SCARA5: variants seen among roughly 807,000 people sequenced by gnomAD.
SCARA5 encodes scavenger receptor class A, member 5 (putative).
A neutral mutation model predicts 46.3 loss-of-function variants in SCARA5; 45 were observed. The observed-to-expected ratio is 0.97, with a 90% CI of 0.76 to 1.24. SCARA5 has a LOEUF of 1.24. SCARA5 is among the 50% of genes most tolerant of loss of function. The pLI is 0.00. For synonymous variants in SCARA5, 333 were observed against 306.5 expected (o/e 1.09, Z -0.90); for missense variants, 680 against 689.0 (o/e 0.99, Z 0.15).
At chr8:27,925,550 C>T (rs959227113) in intron 3 of SCARA5, among the ~76,000 whole-genome samples, 1 of 152,130 alleles carries the variant, frequency 6.6e-6, no homozygotes, top group Non-Finnish European at 1.5e-5. Context: ...AAAACCTAGG[C>T]AATACCATTC....
intron 3 of SCARA5, among the ~76,000 whole-genome samples, chr8:27,956,914 A>G (rs1808215941): frequency 6.6e-6 from 1 of 152,150 alleles, no homozygotes; most frequent in African/African-American, 2.4e-5. Flanking sequence ...AGAACTTATA[A>G]CTTCTCTCCA....
At chr8:27,930,439 G>C (rs556164994) in intron 3 of SCARA5, among the ~76,000 whole-genome samples, 3 of 149,796 alleles carry the variant, frequency 2.0e-5, no homozygotes, top group South Asian at 2.1e-4. Flanking sequence ...TTTCATTCTT[G>C]TTGCCCAGGC....
chr8:27,979,758 AC>A (rs1233300655), intron 2 of SCARA5, among the ~76,000 whole-genome samples: 1 of 151,988 alleles, frequency 6.6e-6, no homozygotes, highest in African/African-American at 2.4e-5. Context: ...ACAGGGTTCC[AC>A]CATGTTGCCC....
chr8:27,936,060 G>A lies in SCARA5; in HGVS notation c.242-13815C>T, dbSNP rs934162321. Among the ~76,000 whole-genome samples, 7 of 152,104 alleles carry A rather than the reference G, an allele frequency of 4.6e-5. 1 individual carries two copies. In the South Asian group the frequency reaches 1.2e-3, roughly 27 times the overall value. The stretch of plus-strand genomic sequence containing the variant: ...AGATGCCTATGCCCCGCCAGCCCCT[G>A]CCCAGAATTAGGAGGAGCCCAGAGC... On this transcript the variant is annotated intron_variant, in intron 3 of 8. Coordinates refer to ENST00000354914, the MANE Select transcript of SCARA5 (RefSeq NM_173833.6).
chr8:27,876,984 G>T (rs2129662418), intron 8 of SCARA5, among the ~76,000 whole-genome samples: 1 of 152,210 alleles, frequency 6.6e-6, no homozygotes, highest in Non-Finnish European at 1.5e-5. Context: ...TCGGCCCCAT[G>T]ACTACAACAG....
intron 7 of SCARA5, among the ~76,000 whole-genome samples, chr8:27,884,977 C>A (rs1207629861): frequency 1.3e-5 from 2 of 151,660 alleles, no homozygotes; most frequent in Admixed American, 6.6e-5. Context: ...CCATCTTGGA[C>A]AAGTGGAGGA....
chr8:27,882,155 TC>T (rs879410687), intron 7 of SCARA5, among the ~76,000 whole-genome samples: 7 of 152,340 alleles, frequency 4.6e-5, no homozygotes, highest in Admixed American at 2.6e-4. Context: ...CAGATTGGCA[TC>T]TTTCACTTAG....
intron 2 of SCARA5, among the ~76,000 whole-genome samples, chr8:27,983,495 T>A (rs116368628): frequency 6.6e-6 from 1 of 152,066 alleles, no homozygotes; most frequent in African/African-American, 2.4e-5. Flanking sequence ...CCCCGTGAAA[T>A]CCCCATCCTG....
At chr8:27,876,208 G>A (rs1806721445) in intron 8 of SCARA5, among the ~76,000 whole-genome samples, 1 of 152,174 alleles carries the variant, frequency 6.6e-6, no homozygotes, top group Admixed American at 6.5e-5. Flanking sequence ...AGCATTTATA[G>A]TAATTCTTCA....
chr8:27,967,842 A>G (rs762622844), intron 2 of SCARA5, among the ~76,000 whole-genome samples: 29 of 152,122 alleles, frequency 1.9e-4, no homozygotes, highest in Admixed American at 1.4e-3. Context: ...GAACCCAGGA[A>G]GCAGAGGTTG....
intron 3 of SCARA5, among the ~76,000 whole-genome samples, chr8:27,935,862 G>A (rs1807847013): frequency 6.6e-6 from 1 of 152,210 alleles, no homozygotes; most frequent in South Asian, 2.1e-4. Flanking sequence ...AGTGAAGACC[G>A]AGGAAGGGGA....
chr8:27,876,202 T>C (rs1448046277), intron 8 of SCARA5, among the ~76,000 whole-genome samples: 2 of 152,126 alleles, frequency 1.3e-5, no homozygotes, highest in Non-Finnish European at 2.9e-5. Context: ...TCCTTTAGCA[T>C]TTATAGTAAT....
Position 27,913,269 on chromosome 8 carries a change from C to A in SCARA5, c.917-3526G>T, listed in dbSNP as rs76661256. 1.2e-3 allele frequency among the ~76,000 whole-genome samples: 182 copies of A among 152,246 alleles called. 1 individual carries two copies. Among genetic ancestry groups the A allele is most frequent in the African/African-American group, 4.0e-3 (167 of 41,538 alleles). On this transcript the variant is annotated intron_variant, in intron 4 of 8. Transcript: ENST00000354914. Reference sequence around the variant, plus strand: ...GTAAAGGTGGGCACCAATTCCCAAGCCTTCATCACATCCTCAGGTGGTACA... The same window carrying A: ...GTAAAGGTGGGCACCAATTCCCAAGACTTCATCACATCCTCAGGTGGTACA...
intron 2 of SCARA5, among the ~76,000 whole-genome samples, chr8:27,977,736 G>T (rs1808548080): frequency 6.6e-6 from 1 of 152,162 alleles, no homozygotes; most frequent in South Asian, 2.1e-4. Flanking sequence ...CCCTATCACT[G>T]CCCTGGCTCT....
intron 8 of SCARA5, among the ~76,000 whole-genome samples, chr8:27,876,127 C>T (rs954898806): frequency 4.6e-5 from 7 of 152,194 alleles, no homozygotes; most frequent in African/African-American, 1.7e-4. Flanking sequence ...CCACCTCCAC[C>T]CCACACTTGT....
intron 6 of SCARA5, among the ~76,000 whole-genome samples, chr8:27,906,311 G>A (rs1056164981): frequency 3.3e-5 from 5 of 152,222 alleles, no homozygotes; most frequent in African/African-American, 7.2e-5. Flanking sequence ...ATCTTGAAGC[G>A]AGCATGAAAA....
intron 8 of SCARA5, among the ~76,000 whole-genome samples, chr8:27,875,417 A>G (rs1585456680): frequency 6.6e-6 from 1 of 152,180 alleles, no homozygotes; most frequent in Admixed American, 6.5e-5. Flanking sequence ...TGACGGGATC[A>G]TAGAGGAGGG....
intron 6 of SCARA5, among the ~76,000 whole-genome samples, chr8:27,905,532 GAAAAAAAAAA>G (rs1807240762): frequency 2.4e-5 from 1 of 41,554 alleles, no homozygotes; most frequent in Non-Finnish European, 7.1e-5. Context: ...TTGGGGGGGG[GAAAAAAAAAA>G]GGCAGCCATA....
At chr8:27,878,228 C>T (rs944603900) in intron 8 of SCARA5, among the ~76,000 whole-genome samples, 32 of 152,184 alleles carry the variant, frequency 2.1e-4, no homozygotes, top group Admixed American at 2.1e-3. Flanking sequence ...GCAGTGGCAT[C>T]TTAAATCCCA....
Sources: gnomAD v4.1 joint callset for allele counts (sites outside exome capture counted in the v4.1 genomes callset) on GRCh38, gnomAD v4.1.1 for gene constraint, MANE v1.5 for transcripts, NCBI Gene and HGNC (gene_info 2026-07-23, HGNC 2026-07-21) for gene names.